The following ADGRV1 variants were observed in gnomAD, a reference collection of about 807,000 sequenced individuals.
The protein encoded by ADGRV1 is G-protein coupled receptor 98.
A neutral mutation model predicts 596.2 loss-of-function variants in ADGRV1; 359 were observed. The ratio of observed to expected loss-of-function variants is 0.60; its 90% CI spans 0.55 to 0.66. The LOEUF is 0.66. ADGRV1 is among the 30% of genes least tolerant of loss of function. The probability of loss-of-function intolerance (pLI) is 0.00; values close to 1 mark genes in which losing one functional copy is unlikely to be tolerated. For synonymous variants in ADGRV1, 2,681 were observed against 2,679.2 expected (o/e 1.00, Z -0.02); for missense variants, 7,274 against 7,575.6 (o/e 0.96, Z 1.48).
chr5:90,598,391 C>G (rs984515331), intron 1 of ADGRV1, among the ~76,000 whole-genome samples: 1 of 152,240 alleles, frequency 6.6e-6, no homozygotes, highest in African/African-American at 2.4e-5. Flanking sequence ...AGACTTGGCG[C>G]TAAGCCCTGT....
intron 85 of ADGRV1, among the ~76,000 whole-genome samples, chr5:91,019,388 G>T (rs1783438538): frequency 6.6e-6 from 1 of 151,922 alleles, no homozygotes; most frequent in Admixed American, 6.6e-5. Flanking sequence ...CCTTTAATCT[G>T]GTATGGATGA....
rs774316392 is a variant in ADGRV1, at chr5:90,694,072, G to A, written c.7316G>A (p.Cys2439Tyr). 3.1e-6 allele frequency: 5 copies of A among 1,613,836 alleles called. No individual in the cohort carries two copies. The highest frequency in any genetic ancestry group is 4.2e-6 in the Non-Finnish European group (5 of 1,179,854). ...VSAVGEPLYT[C>Y]ATLCLKEQAC... ...GCCGTGGGGGAGCCCCTGTATACCT[G>A]TGCCACTTTGTGCCTTAAGGAACAA... The change falls in exon 33 of 90, where the codon TGT becomes TAT. Residue 2439 changes from cysteine (C) to tyrosine (Y), a missense_variant. Physicochemically the swap from Cys to Tyr is radical, Grantham distance 194 (BLOSUM62 -2). This residue lies in a region of ADGRV1 where 3,643 missense variants were observed against 3,809.2 expected (regional missense o/e 0.96). Transcript: ENST00000405460.
intron 85 of ADGRV1, among the ~76,000 whole-genome samples, chr5:90,995,699 A>T (rs1781357487): frequency 6.6e-6 from 1 of 152,150 alleles, no homozygotes; most frequent in African/African-American, 2.4e-5. Flanking sequence ...AAAGTTTGTA[A>T]CTTTCTAGAG....
chr5:90,981,272 G>A (rs925644756), intron 84 of ADGRV1, among the ~76,000 whole-genome samples: 1 of 152,076 alleles, frequency 6.6e-6, no homozygotes, highest in Non-Finnish European at 1.5e-5. Context: ...ATTTTTTGAG[G>A]CATTATTTTG....
chr5:90,681,854 C>G (rs913709216), intron 27 of ADGRV1, among the ~76,000 whole-genome samples: 2 of 133,060 alleles, frequency 1.5e-5, no homozygotes, highest in African/African-American at 6.0e-5. Context: ...TCCTTCTTTC[C>G]TTCCTTCCTT....
At chr5:90,662,140 A>C (rs1414770480) in intron 21 of ADGRV1, among the ~76,000 whole-genome samples, 1 of 151,372 alleles carries the variant, frequency 6.6e-6, no homozygotes, top group African/African-American at 2.4e-5. Flanking sequence ...AGCTTCAATA[A>C]TTATCAGCCT....
intron 85 of ADGRV1, among the ~76,000 whole-genome samples, chr5:91,044,063 A>T (rs984202091): frequency 6.6e-6 from 1 of 152,090 alleles, no homozygotes; most frequent in Non-Finnish European, 1.5e-5. Flanking sequence ...TGGAGAATGA[A>T]TGAAGAAATT....
At chr5:90,913,386 A>T (rs928903879) in intron 83 of ADGRV1, among the ~76,000 whole-genome samples, 30 of 152,176 alleles carry the variant, frequency 2.0e-4, no homozygotes, top group Non-Finnish European at 2.9e-4. Flanking sequence ...CTGTTATATC[A>T]ATATTTATCA....
At chr5:91,027,451 G>T (rs1186355775) in intron 85 of ADGRV1, among the ~76,000 whole-genome samples, 1 of 152,072 alleles carries the variant, frequency 6.6e-6, no homozygotes, top group Non-Finnish European at 1.5e-5. Flanking sequence ...AGATGGCAAG[G>T]CCAGCCCAGA....
chr5:90,718,957 T>C (rs1312008144), intron 43 of ADGRV1, among the ~76,000 whole-genome samples: 1 of 152,204 alleles, frequency 6.6e-6, no homozygotes, highest in Non-Finnish European at 1.5e-5. Context: ...GAGGTATAAG[T>C]AGTAAAATAC....
intron 50 of ADGRV1, among the ~76,000 whole-genome samples, chr5:90,743,572 C>T (rs749452628): frequency 2.7e-5 from 4 of 150,626 alleles, no homozygotes; most frequent in Non-Finnish European, 5.9e-5. Flanking sequence ...CCTGGGTTCA[C>T]GCCATTCTCC....
chr5:90,628,504 A>T, intron 7 of ADGRV1, 58 bp from the exon 8 acceptor site: 1 of 1,450,242 alleles, frequency 6.9e-7, no homozygotes, highest in Non-Finnish European at 9.6e-7. Flanking sequence ...GGGAAAGCTT[A>T]TCTAAGGGAA....
At chr5:91,024,581 C>T (rs965795391) in intron 85 of ADGRV1, among the ~76,000 whole-genome samples, 1 of 152,010 alleles carries the variant, frequency 6.6e-6, no homozygotes, top group Non-Finnish European at 1.5e-5. Context: ...AATTCCTAAT[C>T]CCTCAAAAAT....
chr5:90,987,526 GT>G (rs1562049942), intron 85 of ADGRV1, among the ~76,000 whole-genome samples: 1 of 151,052 alleles, frequency 6.6e-6, no homozygotes, highest in Non-Finnish European at 1.5e-5. Flanking sequence ...TGCATTACAG[GT>G]TACTTTTCTC....
chr5:90,967,210 C>T (rs1778551151), intron 84 of ADGRV1, among the ~76,000 whole-genome samples: 1 of 152,046 alleles, frequency 6.6e-6, no homozygotes, highest in Non-Finnish European at 1.5e-5. Context: ...CTGGCTCTGC[C>T]ACTATCTGTG....
chr5:91,128,043 C>T (rs1793915335), intron 87 of ADGRV1, among the ~76,000 whole-genome samples: 1 of 151,918 alleles, frequency 6.6e-6, no homozygotes, highest in African/African-American at 2.4e-5. Flanking sequence ...AGAAAGCAAG[C>T]CTTTGGACAT....
At chr5:90,896,326 A>G (rs1199402362) in intron 83 of ADGRV1, among the ~76,000 whole-genome samples, 2 of 117,870 alleles carry the variant, frequency 1.7e-5, no homozygotes, top group Non-Finnish European at 3.3e-5. Context: ...GCTGGAGTGC[A>G]GTGGCGTGAT....
intron 75 of ADGRV1, among the ~76,000 whole-genome samples, chr5:90,818,960 C>T (rs1233165505): frequency 6.6e-6 from 1 of 151,760 alleles, no homozygotes; most frequent in Non-Finnish European, 1.5e-5. Context: ...CCCTCTTTTT[C>T]TGTTGATTGG....
At chr5:90,593,131 A>T (rs1192044516) in intron 1 of ADGRV1, among the ~76,000 whole-genome samples, 1 of 152,186 alleles carries the variant, frequency 6.6e-6, no homozygotes. Flanking sequence ...AAATCATGCT[A>T]CTATAAAGAC....
Sources: allele counts gnomAD v4.1 joint callset (sites outside exome capture counted in the v4.1 genomes callset), GRCh38; gene constraint gnomAD v4.1.1; regional missense constraint gnomAD v4.1.1; transcripts MANE v1.5; gene names NCBI Gene and HGNC (gene_info 2026-07-23, HGNC 2026-07-21).